The following R3HDM1 variants were observed in gnomAD, a reference collection of about 807,000 sequenced individuals.
R3HDM1 encodes the protein R3H domain-containing protein 1.
Under a neutral mutation model 141.1 loss-of-function variants are expected in R3HDM1, and 46 were observed. The observed-to-expected ratio is 0.33, with a 90% confidence interval of 0.26 to 0.42. The LOEUF is 0.42. Among genes scored for constraint, R3HDM1 ranks in the 10% least tolerant of loss-of-function variants. R3HDM1 has a pLI of 1.00. For synonymous variants in R3HDM1, 435 were observed against 472.9 expected, an observed-to-expected ratio of 0.92 and a Z score of 1.04; for missense variants, 1,184 against 1,368.3, an observed-to-expected ratio of 0.87 and a Z score of 2.12.
At chr2:135,678,518 T>C (rs1211375055) in intron 20 of R3HDM1, among the ~76,000 whole-genome samples, 1 of 151,558 alleles carries the variant, frequency 6.6e-6, no homozygotes, top group African/African-American at 2.4e-5. Context: ...GAGGCCAAGG[T>C]AGGTGGATCA....
chr2:135,695,142 T>C (rs1031966250), intron 21 of R3HDM1, among the ~76,000 whole-genome samples: 1 of 152,124 alleles, frequency 6.6e-6, no homozygotes, highest in Non-Finnish European at 1.5e-5. Flanking sequence ...TTAAATTATT[T>C]CCAGACAAGT....
chr2:135,594,208 T>A (rs950519668), intron 1 of R3HDM1, among the ~76,000 whole-genome samples: 2 of 152,258 alleles, frequency 1.3e-5, no homozygotes, highest in Non-Finnish European at 2.9e-5. Context: ...CTAGGATCAC[T>A]GCTACATTAA....
At chr2:135,631,196 C>A (rs1488095179) in intron 7 of R3HDM1, among the ~76,000 whole-genome samples, 1 of 152,026 alleles carries the variant, frequency 6.6e-6, no homozygotes, top group Admixed American at 6.6e-5. Context: ...ATTGCATGTT[C>A]TTTAGAATAC....
At chr2:135,652,229 G>C (rs1176734115) in intron 18 of R3HDM1, among the ~76,000 whole-genome samples, 197 bp downstream of exon 18, 1 of 152,164 alleles carries the variant, frequency 6.6e-6, no homozygotes, top group Non-Finnish European at 1.5e-5. Flanking sequence ...TGCTCCAGTT[G>C]GTTGGTAAAG....
At position 135,649,892 on chromosome 2, in the gene R3HDM1, TA is replaced by T. The variant is rs565825912; in HGVS notation, c.1624-9del. 27 of 1,221,428 alleles carry T rather than the reference TA, an allele frequency of 2.2e-5. No individual in the cohort carries two copies. In the Middle Eastern group the frequency reaches 6.9e-4, roughly 31 times the overall value. The allele number at this position is 1,221,428 out of a possible 1,614,324, so 75.7% of individuals were successfully genotyped here. ...ACATTAACATTGTTTGCCAACCTGTTATTCTTTAGCCTGTTCATCCTCTGCA... is the reference window on the plus strand; with the variant it reads ...ACATTAACATTGTTTGCCAACCTGTTTTCTTTAGCCTGTTCATCCTCTGCA... On this transcript the variant is annotated splice_polypyrimidine_tract_variant and intron_variant, in intron 16 of 26. Transcript: ENST00000683871.
intron 21 of R3HDM1, among the ~76,000 whole-genome samples, chr2:135,686,099 A>C (rs1005676941): frequency 1.3e-5 from 2 of 152,230 alleles, no homozygotes; most frequent in Non-Finnish European, 2.9e-5. Flanking sequence ...AGAGGAATGC[A>C]AATCACAACC....
chr2:135,716,578 C>A (rs1012069620), intron 24 of R3HDM1, among the ~76,000 whole-genome samples: 1 of 152,174 alleles, frequency 6.6e-6, no homozygotes, highest in Non-Finnish European at 1.5e-5. Flanking sequence ...CAACCTAACT[C>A]TGTACATCAA....
chr2:135,531,849 G>A (rs1010973872), intron 1 of R3HDM1: 45 of 985,248 alleles, frequency 4.6e-5, no homozygotes, highest in Admixed American at 2.5e-4. Context: ...GTCGGGTTCC[G>A]AGTGAGCCAG....
At chr2:135,644,751 G>A (rs920222278) in intron 15 of R3HDM1, among the ~76,000 whole-genome samples, 5 of 152,114 alleles carry the variant, frequency 3.3e-5, no homozygotes, top group Non-Finnish European at 7.4e-5. Flanking sequence ...CCCCAATCCT[G>A]TAACTGAATT....
At position 135,632,089 on chromosome 2, in the gene R3HDM1, C is replaced by T; in HGVS notation, c.698+88C>T. The T allele has an allele frequency of 4.6e-6, 5 of 1,088,528 alleles. No individual in the cohort carries two copies. In the South Asian group the frequency reaches 1.0e-4, roughly 22 times the overall value. The allele number at this position is 1,088,528 out of a possible 1,614,324, so 67.4% of individuals were successfully genotyped here. On this transcript the variant is annotated intron_variant, in intron 9 of 26. Transcript: ENST00000683871. Reference sequence around the variant, plus strand: ...ATTACCTTTCATCTGAGGTTTTCCACATGTTTTAACAGTCTAATTAAGTTT... The same window carrying T: ...ATTACCTTTCATCTGAGGTTTTCCATATGTTTTAACAGTCTAATTAAGTTT...
intron 1 of R3HDM1, among the ~76,000 whole-genome samples, chr2:135,570,726 A>T (rs1703916882): frequency 6.6e-6 from 1 of 152,250 alleles, no homozygotes; most frequent in Non-Finnish European, 1.5e-5. Context: ...GATTATGTGT[A>T]ATAAAGCTTC....
intron 19 of R3HDM1, chr2:135,669,410 GAA>G: frequency 2.0e-6 from 2 of 983,966 alleles, no homozygotes; most frequent in Non-Finnish European, 2.4e-6. Context: ...TCAAATGAAC[GAA>G]AAGTTTCCTT....
Position 135,616,206 on chromosome 2 carries a change from T to G in R3HDM1, c.213+13T>G, listed in dbSNP as rs1260170966. On this transcript the variant is annotated intron_variant, in intron 4 of 26. Transcript: ENST00000683871. Reference sequence around the variant, plus strand: ...AAAAAGGTCTAAGGTATAGTAAATATTTTGGTGTGCTGGCATGCCAAGGGC... The same window carrying G: ...AAAAAGGTCTAAGGTATAGTAAATAGTTTGGTGTGCTGGCATGCCAAGGGC... 7.5e-6 allele frequency: 12 copies of G among 1,609,142 alleles called. No homozygotes were observed. Among genetic ancestry groups the G allele is most frequent in the Non-Finnish European group, 1.0e-5 (12 of 1,175,902 alleles).
chr2:135,595,571 T>C (rs374504955), intron 1 of R3HDM1, among the ~76,000 whole-genome samples: 2 of 152,342 alleles, frequency 1.3e-5, no homozygotes, highest in African/African-American at 4.8e-5. Context: ...CTTAAAGCAT[T>C]GGGAGTAGTG....
chr2:135,641,575 C>T lies in R3HDM1; in HGVS notation c.1259C>T (p.Ser420Phe). Residue 420 changes from serine (S) to phenylalanine (F), a missense_variant, in exon 15 of 27, where the codon TCT becomes TTT. Ser to Phe is a radical substitution (Grantham distance 155, BLOSUM62 -2). Around this residue, in one of 5 missense-constraint regions of R3HDM1, gnomAD observed 240 missense variants for 312.3 expected, o/e 0.77. Coordinates refer to ENST00000683871, the MANE Select transcript of R3HDM1 (RefSeq NM_001378107.1). ...GGTAGTGTAGGGTCATCTACAGGCT[C>T]TCTTTCTCACATCCAGCAGCCTCTT... ...SSGSVGSSTG[S>F]LSHIQQPLPG... 6.2e-7 allele frequency: 1 copy of T among 1,614,098 alleles called. No individual in the cohort carries two copies. The highest frequency in any genetic ancestry group is 8.5e-7 in the Non-Finnish European group (1 of 1,179,962).
intron 19 of R3HDM1, chr2:135,669,701 G>A (rs1387493996): frequency 2.0e-6 from 1 of 494,166 alleles, no homozygotes; most frequent in African/African-American, 2.1e-5. Context: ...ACCTCTCTGT[G>A]CCTTTTGTTT....
At chr2:135,634,710 A>G (rs1352013011) in intron 9 of R3HDM1, among the ~76,000 whole-genome samples, 2 of 152,180 alleles carry the variant, frequency 1.3e-5, no homozygotes, top group African/African-American at 2.4e-5. Flanking sequence ...TGAAAATATC[A>G]TTACTCAGAT....
At chr2:135,532,490 A>G (rs572885909) in intron 1 of R3HDM1, among the ~76,000 whole-genome samples, 4 of 152,312 alleles carry the variant, frequency 2.6e-5, no homozygotes, top group African/African-American at 9.6e-5. Context: ...TAGTTAAGTA[A>G]AAGGTGAAGA....
chr2:135,630,282 AAAAAAAAAAAAAAAAAAAAAAAAAAAC>A (rs2105211688), intron 7 of R3HDM1, among the ~76,000 whole-genome samples: 1 of 51,252 alleles, frequency 2.0e-5, no homozygotes, highest in Non-Finnish European at 2.9e-5. Context: ...CTTCTCAACC[AAAAAAAAAAAAAAAAAAAAAAAAAAAC>A]AAAAAAAAAA....
Sources: allele counts gnomAD v4.1 joint callset (sites outside exome capture counted in the v4.1 genomes callset), GRCh38; gene constraint gnomAD v4.1.1; regional missense constraint gnomAD v4.1.1; transcripts MANE v1.5; gene names NCBI Gene and HGNC (gene_info 2026-07-23, HGNC 2026-07-21).